ADGRV1: variants seen among roughly 807,000 people sequenced by gnomAD.
The protein encoded by ADGRV1 is G-protein coupled receptor 98.
ADGRV1 carries 359 observed loss-of-function variants against 596.2 expected under a neutral mutation model. The ratio of observed to expected loss-of-function variants is 0.60; its 90% CI spans 0.55 to 0.66. The LOEUF (loss-of-function observed/expected upper bound fraction) is 0.66, where lower values mean the gene tolerates loss of function less well. ADGRV1 is among the 30% of genes least tolerant of loss of function. The pLI is 0.00. For missense variants in ADGRV1, 7,274 were observed against 7,575.6 expected (o/e 0.96, Z 1.48); for synonymous variants, 2,681 against 2,679.2 (o/e 1.00, Z -0.02).
chr5:90,920,011 A>G lies in ADGRV1; in HGVS notation c.17857-45404A>G, dbSNP rs542983676. Among the ~76,000 whole-genome samples, 378 of 151,898 alleles carry G rather than the reference A, an allele frequency of 2.5e-3. 5 individuals carry two copies. Among genetic ancestry groups the G allele is most frequent in the South Asian group, 0.02 (95 of 4,814 alleles). On this transcript the variant is annotated intron_variant, in intron 83 of 89. Coordinates refer to ENST00000405460, the MANE Select transcript of ADGRV1 (RefSeq NM_032119.4). Reference sequence around the variant, plus strand: ...CTCCATCTCAAAAAAAAAAAAAAAAAAAAAGAAAAATATTTTGGAAGAGTA... The same window carrying G: ...CTCCATCTCAAAAAAAAAAAAAAAAGAAAAGAAAAATATTTTGGAAGAGTA...
intron 77 of ADGRV1, among the ~76,000 whole-genome samples, chr5:90,831,509 A>T (rs555596754): frequency 7.9e-5 from 12 of 152,256 alleles, no homozygotes; most frequent in South Asian, 4.1e-4. Context: ...TAATAATCAC[A>T]TCAGGATAAA....
At chr5:91,013,159 G>A (rs1185082538) in intron 85 of ADGRV1, among the ~76,000 whole-genome samples, 1 of 151,856 alleles carries the variant, frequency 6.6e-6, no homozygotes, top group Non-Finnish European at 1.5e-5. Flanking sequence ...CCATGTCTTT[G>A]CCATTGTGAA....
Position 90,999,071 on chromosome 5 carries a change from A to G in ADGRV1, c.18152+13549A>G, listed in dbSNP as rs186316177. Among the ~76,000 whole-genome samples, 1,001 of 151,976 alleles carry G rather than the reference A, an allele frequency of 6.6e-3. 7 individuals carry two copies. Among genetic ancestry groups the G allele is most frequent in the African/African-American group, 0.021 (870 of 41,490 alleles). On this transcript the variant is annotated intron_variant, in intron 85 of 89. Transcript: ENST00000405460. ...TCTGATTGCTTGCTCATGTTTTTCA[A>G]TGATTTAGAGAGTGTGCTTTGTTCT...
chr5:90,992,968 T>C (rs1781093003), intron 85 of ADGRV1, among the ~76,000 whole-genome samples: 1 of 152,126 alleles, frequency 6.6e-6, no homozygotes, highest in Non-Finnish European at 1.5e-5. Flanking sequence ...TATAGCACAA[T>C]GATCATAACT....
chr5:90,701,228 A>G (rs1194949022), intron 34 of ADGRV1, among the ~76,000 whole-genome samples: 1 of 152,082 alleles, frequency 6.6e-6, no homozygotes, highest in African/African-American at 2.4e-5. Flanking sequence ...TTGTCATCTA[A>G]AAATAACATA....
At chr5:90,953,161 G>A (rs151233058) in intron 83 of ADGRV1, among the ~76,000 whole-genome samples, 25 of 152,086 alleles carry the variant, frequency 1.6e-4, no homozygotes, top group African/African-American at 4.8e-4. Flanking sequence ...AGAAGTTTTC[G>A]TAAAGCAGCA....
intron 1 of ADGRV1, among the ~76,000 whole-genome samples, chr5:90,570,743 T>C (rs1175659953): frequency 2.0e-5 from 3 of 151,942 alleles, no homozygotes; most frequent in Non-Finnish European, 4.4e-5. Context: ...GTAGTTATTT[T>C]ACTTCTCAAC....
intron 1 of ADGRV1, among the ~76,000 whole-genome samples, chr5:90,605,384 C>G (rs1034194386): frequency 6.7e-6 from 1 of 149,770 alleles, no homozygotes; most frequent in Non-Finnish European, 1.5e-5. Flanking sequence ...CACTGCACTC[C>G]AGCCTGGTGA....
In ADGRV1 at chr5:90,647,667, G is replaced by T. The variant is rs773537532; in HGVS notation, c.3192G>T (p.Glu1064Asp). Residue 1064 changes from glutamate (E) to aspartate (D), a missense_variant, in exon 17 of 90, where the codon GAG becomes GAT. Around this residue, in one of 5 missense-constraint regions of ADGRV1, gnomAD observed 1,715 missense variants for 1,708.8 expected, o/e 1.00. Transcript: ENST00000405460. ...PVEKGETLIF[E>D]VGSRQQSISI... ...AAAAAGGAGAAACGCTCATTTTTGAGGTTGGAAGTAGACAGCAGAGCATAT... is the reference window on the plus strand; with the variant it reads ...AAAAAGGAGAAACGCTCATTTTTGATGTTGGAAGTAGACAGCAGAGCATAT... The T allele has an allele frequency of 6.2e-7, 1 of 1,613,950 alleles. No homozygotes were observed. Among genetic ancestry groups the T allele is most frequent in the South Asian group, 1.1e-5 (1 of 91,080 alleles).
intron 21 of ADGRV1, among the ~76,000 whole-genome samples, chr5:90,660,174 C>T (rs573012488): frequency 7.2e-5 from 11 of 151,732 alleles, no homozygotes; most frequent in South Asian, 2.1e-4. Context: ...AATTTTTTTT[C>T]GAGAACTGTA....
Position 91,068,401 on chromosome 5 carries a change from G to A in ADGRV1, c.18153-4046G>A, listed in dbSNP as rs537915366. Reference sequence around the variant, plus strand: ...GGAGAATGGTGTGAACCCAGGAGGCGGAACTTGCAGTGAGCCGAGATCGCA... The same window carrying A: ...GGAGAATGGTGTGAACCCAGGAGGCAGAACTTGCAGTGAGCCGAGATCGCA... On this transcript the variant is annotated intron_variant, in intron 85 of 89. Transcript: ENST00000405460. Among the ~76,000 whole-genome samples, 556 of 151,888 alleles carry A rather than the reference G, an allele frequency of 3.7e-3. 2 individuals carry two copies. The highest frequency in any genetic ancestry group is 0.013 in the African/African-American group (521 of 41,400).
At chr5:90,837,135 G>C (rs1254611333) in intron 77 of ADGRV1, among the ~76,000 whole-genome samples, 1 of 152,188 alleles carries the variant, frequency 6.6e-6, no homozygotes, top group Non-Finnish European at 1.5e-5. Context: ...GTGATATAAA[G>C]TTAAGAAGGA....
In ADGRV1 at chr5:90,810,378, G is replaced by A. The variant is rs1177397282; in HGVS notation, c.15118G>A (p.Val5040Ile). ...LFGFHSDLIK[V>I]SYQTTAGSAK... ...TGGGTTCCACAGCGATCTTATTAAAGTTTCTTATCAGACCACTGCAGGAAG... is the reference window on the plus strand; with the variant it reads ...TGGGTTCCACAGCGATCTTATTAAAATTTCTTATCAGACCACTGCAGGAAG... The change falls in exon 74 of 90, where the codon GTT becomes ATT. Residue 5040 changes from valine (V) to isoleucine (I), a missense_variant. By Grantham distance (29) the Val-to-Ile change is conservative (BLOSUM62 3). Around this residue, in one of 5 missense-constraint regions of ADGRV1, gnomAD observed 1,874 missense variants for 1,970.2 expected, o/e 0.95. Coordinates refer to ENST00000405460, the MANE Select transcript of ADGRV1 (RefSeq NM_032119.4). 13 of 1,613,472 alleles carry A rather than the reference G, an allele frequency of 8.1e-6. No homozygotes were observed. Among genetic ancestry groups the A allele is most frequent in the Admixed American group, 1.7e-5 (1 of 59,910 alleles).
At chr5:91,037,737 A>C (rs560519457) in intron 85 of ADGRV1, among the ~76,000 whole-genome samples, 1 of 152,206 alleles carries the variant, frequency 6.6e-6, no homozygotes, top group African/African-American at 2.4e-5. Flanking sequence ...ATATCAAAGA[A>C]AGTGTCCCTG....
chr5:90,692,687 A>T lies in ADGRV1; in HGVS notation c.7034A>T (p.Asn2345Ile), dbSNP rs2366926. 1 of 1,609,586 alleles carries T rather than the reference A, an allele frequency of 6.2e-7. No individual in the cohort carries two copies. Among genetic ancestry groups the T allele is most frequent in the Non-Finnish European group, 8.5e-7 (1 of 1,177,750 alleles). ...ATTGCAAATATTATTATTCCTGCCA[A>T]TGATGATCCTTATGGTACAGTAGCC... ...DRIANIIIPA[N>I]DDPYGTVAFA... The change falls in exon 32 of 90, where the codon AAT (asparagine) becomes ATT (isoleucine). Residue 2345 changes from asparagine (N) to isoleucine (I), a missense_variant. Asn to Ile is a moderately radical substitution (Grantham distance 149). This residue lies in a region of ADGRV1 where 3,643 missense variants were observed against 3,809.2 expected (regional missense o/e 0.96). Coordinates refer to ENST00000405460, the MANE Select transcript of ADGRV1 (RefSeq NM_032119.4).
intron 12 of ADGRV1, 21 bp downstream of exon 12, chr5:90,642,783 C>T (rs1767148672): frequency 1.9e-6 from 3 of 1,608,418 alleles, no homozygotes; most frequent in Non-Finnish European, 2.5e-6. Flanking sequence ...AAAAAACTTC[C>T]ATTTATTCTG....
At chr5:90,676,318 A>T in intron 25 of ADGRV1, 109 bp downstream of exon 25, 3 of 996,448 alleles carry the variant, frequency 3.0e-6, no homozygotes, top group Non-Finnish European at 4.3e-6. Flanking sequence ...ACTTAAATAA[A>T]TGAATAAATT....
At position 91,052,880 on chromosome 5, in the gene ADGRV1, TC is replaced by T. The variant is rs538334398; in HGVS notation, c.18153-19561del. ...AATAAACAGTATCAAAGGCCTCTCCTCCCCCCAGAAACATGCTTCTATAGTA... is the reference window on the plus strand; with the variant it reads ...AATAAACAGTATCAAAGGCCTCTCCTCCCCCAGAAACATGCTTCTATAGTA... On this transcript the variant is annotated intron_variant, in intron 85 of 89. Coordinates refer to ENST00000405460, the MANE Select transcript of ADGRV1 (RefSeq NM_032119.4). Among the ~76,000 whole-genome samples the T allele has an allele frequency of 7.9e-5, 12 of 152,186 alleles. No individual in the cohort carries two copies. In the East Asian group the frequency reaches 1.9e-3, roughly 25 times the overall value.
At chr5:90,700,922 G>A (rs932667129) in intron 34 of ADGRV1, among the ~76,000 whole-genome samples, 4 of 152,012 alleles carry the variant, frequency 2.6e-5, no homozygotes, top group Non-Finnish European at 4.4e-5. Flanking sequence ...TATGTACATT[G>A]TAGTTGGTGT....
Sources: allele counts gnomAD v4.1 joint callset (sites outside exome capture counted in the v4.1 genomes callset), GRCh38; gene constraint gnomAD v4.1.1; regional missense constraint gnomAD v4.1.1; transcripts MANE v1.5; gene names NCBI Gene and HGNC (gene_info 2026-07-23, HGNC 2026-07-21).